The following ERI3 variants were observed in gnomAD, a reference collection of about 807,000 sequenced individuals.
ERI3 encodes ERI1 exoribonuclease 3.
Under a neutral mutation model 44.4 loss-of-function variants are expected in ERI3, and 18 were observed. The observed-to-expected ratio is 0.41, with a 90% CI of 0.28 to 0.60. The LOEUF is 0.60. ERI3 is among the 20% of genes least tolerant of loss of function. The probability of loss-of-function intolerance (pLI) is 0.36; values close to 1 mark genes in which losing one functional copy is unlikely to be tolerated. For missense variants in ERI3, 294 were observed against 435.5 expected (o/e 0.68, Z 2.89); for synonymous variants, 183 against 164.8 (o/e 1.11, Z -0.84).
chr1:44,299,297 C>T (rs1313507902), intron 6 of ERI3, among the ~76,000 whole-genome samples: 2 of 152,110 alleles, frequency 1.3e-5, no homozygotes, highest in Non-Finnish European at 1.5e-5. Flanking sequence ...ATCCTCCAGC[C>T]TCAGCCTCCT....
intron 4 of ERI3, among the ~76,000 whole-genome samples, chr1:44,318,620 C>G (rs4356094): frequency 1.3e-5 from 2 of 152,118 alleles, no homozygotes; most frequent in Admixed American, 6.5e-5. Context: ...GGAGCAACCT[C>G]GAGACCTCCT....
intron 3 of ERI3, among the ~76,000 whole-genome samples, chr1:44,335,839 G>C (rs1646525892): frequency 6.6e-6 from 1 of 151,120 alleles, no homozygotes; most frequent in Non-Finnish European, 1.5e-5. Context: ...AAGCCGTTCT[G>C]AGACAGCACT....
At chr1:44,323,769 CA>C (rs1354843620) in intron 3 of ERI3, among the ~76,000 whole-genome samples, 4 of 152,140 alleles carry the variant, frequency 2.6e-5, no homozygotes, top group Non-Finnish European at 5.9e-5. Flanking sequence ...AACTAAGGCC[CA>C]AAGATGTTAA....
At chr1:44,274,896 A>G (rs1335570180) in intron 7 of ERI3, among the ~76,000 whole-genome samples, 1 of 152,060 alleles carries the variant, frequency 6.6e-6, no homozygotes, top group Non-Finnish European at 1.5e-5. Flanking sequence ...TTTTTTCCCA[A>G]AGACAGATGA....
chr1:44,242,165 T>A, intron 8 of ERI3: 1 of 982,546 alleles, frequency 1.0e-6, no homozygotes, highest in Non-Finnish European at 1.2e-6. Context: ...CAGAAAGAAC[T>A]GGATGGGAGG....
rs1006993774 is a variant in ERI3 at position 44,355,010 on chromosome 1, G to A, written c.17C>T (p.Pro6Leu). The change falls in exon 1 of 9, where the codon CCC (proline) becomes CTC (leucine). Residue 6 changes from proline (P) to leucine (L), a missense_variant. Transcript: ENST00000372257. The part of the protein sequence containing the change: MATAS[P>L]AADGGRGRPW... ...CCGCCCCCGCCCCCCGTCAGCAGCG[G>A]GAGAGGCTGTCGCCATGGCAACGCC... 1.4e-6 allele frequency: 2 copies of A among 1,390,312 alleles called. No homozygotes were observed. Among genetic ancestry groups the A allele is most frequent in the Non-Finnish European group, 1.9e-6 (2 of 1,067,528 alleles). The allele number at this position is 1,390,312 out of a possible 1,614,324, so 86.1% of individuals were successfully genotyped here.
chr1:44,263,119 G>C (rs1478114025), intron 7 of ERI3, among the ~76,000 whole-genome samples: 4 of 152,166 alleles, frequency 2.6e-5, no homozygotes, highest in Non-Finnish European at 5.9e-5. Context: ...AAATCCAGAA[G>C]TTCCATTAAC....
intron 7 of ERI3, among the ~76,000 whole-genome samples, chr1:44,262,303 C>T (rs565117949): frequency 1.2e-4 from 18 of 152,208 alleles, no homozygotes; most frequent in Non-Finnish European, 1.9e-4. Flanking sequence ...TTCAAGGCCC[C>T]CTTCTGGATG....
intron 6 of ERI3, among the ~76,000 whole-genome samples, chr1:44,299,489 A>G (rs994494260): frequency 6.6e-6 from 1 of 151,982 alleles, no homozygotes; most frequent in South Asian, 2.1e-4. Context: ...CCAGACCTCA[A>G]TTTTTTTTAA....
chr1:44,319,803 C>T, intron 3 of ERI3, 59 bp from the exon 4 acceptor site: 6 of 1,244,570 alleles, frequency 4.8e-6, no homozygotes, highest in Non-Finnish European at 4.7e-6. Context: ...CCATTTCCAA[C>T]AGTAGCTCCA....
chr1:44,328,975 C>A (rs889100180), intron 3 of ERI3, among the ~76,000 whole-genome samples: 5 of 152,224 alleles, frequency 3.3e-5, no homozygotes, highest in Admixed American at 6.5e-5. Flanking sequence ...AGTAGACTGG[C>A]ACATCTCTGT....
chr1:44,269,095 T>C (rs1452942970), intron 7 of ERI3, among the ~76,000 whole-genome samples: 1 of 152,182 alleles, frequency 6.6e-6, no homozygotes, highest in Non-Finnish European at 1.5e-5. Flanking sequence ...ACATTGTAGT[T>C]GGTAAGGGTA....
intron 7 of ERI3, among the ~76,000 whole-genome samples, chr1:44,272,850 A>G (rs1269783086): frequency 2.6e-5 from 3 of 115,580 alleles, no homozygotes; most frequent in Non-Finnish European, 6.6e-5. Flanking sequence ...AAAAAATAAA[A>G]TAAAATAAAA....
chr1:44,339,419 C>T, intron 2 of ERI3, 97 bp from the exon 3 acceptor site: 1 of 1,300,998 alleles, frequency 7.7e-7, no homozygotes, highest in Admixed American at 2.8e-5. Context: ...CACTGTGGCC[C>T]TGTTCCATCT....
At chr1:44,289,685 T>C (rs1645464363) in intron 6 of ERI3, among the ~76,000 whole-genome samples, 1 of 152,232 alleles carries the variant, frequency 6.6e-6, no homozygotes, top group South Asian at 2.1e-4. Context: ...CCATACTGGC[T>C]GGGCCGAGAC....
intron 7 of ERI3, among the ~76,000 whole-genome samples, chr1:44,266,097 C>T (rs1054478387): frequency 1.3e-5 from 2 of 152,184 alleles, no homozygotes; most frequent in Non-Finnish European, 2.9e-5. Context: ...CCACAGCAGG[C>T]TCATCAACTG....
intron 1 of ERI3, chr1:44,354,430 T>A (rs1005723203): frequency 1.2e-5 from 12 of 985,362 alleles, no homozygotes; most frequent in Non-Finnish European, 1.4e-5. Context: ...AAGTTCATGC[T>A]TTTTTTAAGA....
intron 3 of ERI3, 29 bp downstream of exon 3, chr1:44,339,016 C>T: frequency 1.9e-6 from 3 of 1,601,758 alleles, no homozygotes; most frequent in Non-Finnish European, 2.6e-6. Flanking sequence ...CCCCCCCCAC[C>T]TTTTCTAAAG....
At chr1:44,308,937 C>A (rs1332980797) in intron 5 of ERI3, among the ~76,000 whole-genome samples, 2 of 152,178 alleles carry the variant, frequency 1.3e-5, no homozygotes, top group Non-Finnish European at 2.9e-5. Flanking sequence ...TGGACTGGAG[C>A]CCCATCCTGA....
Sources: allele counts gnomAD v4.1 joint callset (sites outside exome capture counted in the v4.1 genomes callset), GRCh38; gene constraint gnomAD v4.1.1; transcripts MANE v1.5; gene names NCBI Gene and HGNC (gene_info 2026-07-23, HGNC 2026-07-21).